The following CTPS2 variants were observed in gnomAD, a reference collection of about 807,000 sequenced individuals.
CTPS2 encodes the protein CTP synthase 2, also known as CTP synthase II.
In CTPS2, 19 loss-of-function variants were observed where a neutral mutation model predicts 46.8. The observed-to-expected ratio is 0.41, with a 90% confidence interval of 0.28 to 0.60. The LOEUF (loss-of-function observed/expected upper bound fraction) is 0.60, where lower values mean the gene tolerates loss of function less well. Ranked by LOEUF, CTPS2 falls within the 20% of genes least tolerant of loss-of-function variation. The pLI is 0.35. For synonymous variants in CTPS2, 151 were observed against 165.2 expected (o/e 0.91, Z 0.66); for missense variants, 286 against 447.6 (o/e 0.64, Z 3.26).
At chrX:16,674,634 C>T (rs374984831) in intron 10 of CTPS2, among the ~76,000 whole-genome samples, 164 of 104,697 alleles carry the variant, frequency 1.6e-3, no homozygotes, top group South Asian at 5.0e-3. Context: ...GTCAGGAGAT[C>T]GAGACCATCC....
intron 8 of CTPS2, among the ~76,000 whole-genome samples, chrX:16,685,337 A>C (rs1923089995): frequency 9.0e-6 from 1 of 111,423 alleles, no homozygotes; most frequent in African/African-American, 3.3e-5. Flanking sequence ...GGGAGGAGTC[A>C]CTGGGCAGCA....
At chrX:16,638,460 CTATTA>C (rs1931876065) in intron 14 of CTPS2, 1 of 122,384 alleles carries the variant, frequency 8.2e-6, no homozygotes, top group African/African-American at 3.3e-5. Flanking sequence ...GTCCTGGTCA[CTATTA>C]TATCTGCACA....
At chrX:16,702,023 T>G (rs772271473) in intron 2 of CTPS2, among the ~76,000 whole-genome samples, 112 of 111,059 alleles carry the variant, frequency 1.0e-3, no homozygotes, top group African/African-American at 2.8e-3. Context: ...AAGGTTTTTT[T>G]GGGGGTTGGT....
chrX:16,686,211 A>G (rs1427890289), intron 8 of CTPS2, among the ~76,000 whole-genome samples: 1 of 112,316 alleles, frequency 8.9e-6, no homozygotes, highest in Non-Finnish European at 1.9e-5. Flanking sequence ...TGCATTCTTA[A>G]ATAAATAAAA....
In CTPS2 at chrX:16,689,436, T is replaced by C. The variant is rs1246160119; in HGVS notation, c.872+14A>G. Reference sequence around the variant, plus strand: ...AAATTATTAAAGATTATACAAGTAATTCCTTTCGCTTACCTGTCAGCCATA... The same window carrying C: ...AAATTATTAAAGATTATACAAGTAACTCCTTTCGCTTACCTGTCAGCCATA... On this transcript the variant is annotated intron_variant, in intron 8 of 18. Coordinates refer to ENST00000359276, the MANE Select transcript of CTPS2 (RefSeq NM_175859.3). The C allele has an allele frequency of 3.3e-6, 4 of 1,203,608 alleles. No individual in the cohort carries two copies. The Admixed American group carries it at 8.9e-5, about 27-fold the overall frequency.
chrX:16,677,236 G>A (rs945771323), intron 10 of CTPS2, among the ~76,000 whole-genome samples: 3 of 111,420 alleles, frequency 2.7e-5, no homozygotes, highest in Admixed American at 9.7e-5. Flanking sequence ...TTGCTTTACT[G>A]TTGTGGAATA....
chrX:16,665,944 G>T (rs1472909655), intron 13 of CTPS2, among the ~76,000 whole-genome samples: 1 of 111,497 alleles, frequency 9.0e-6, no homozygotes, highest in Non-Finnish European at 1.9e-5. Flanking sequence ...TAGAGATGGG[G>T]TTTCAACTTG....
At chrX:16,668,554 C>A (rs1382819961) in intron 11 of CTPS2, among the ~76,000 whole-genome samples, 1 of 105,055 alleles carries the variant, frequency 9.5e-6, no homozygotes, top group African/African-American at 3.5e-5. Flanking sequence ...CACTGCACTC[C>A]AGCCTGGGCG....
chrX:16,659,799 C>T (rs1278290333), intron 13 of CTPS2, among the ~76,000 whole-genome samples: 3 of 111,082 alleles, frequency 2.7e-5, no homozygotes, highest in South Asian at 3.8e-4. Context: ...TTCAGCCTCC[C>T]GAAGTGCTGG....
intron 14 of CTPS2, among the ~76,000 whole-genome samples, chrX:16,623,771 C>G (rs754862139): frequency 1.9e-5 from 2 of 103,114 alleles, no homozygotes; most frequent in Non-Finnish European, 3.9e-5. Flanking sequence ...GGGTATATAC[C>G]CAGCAGTCAT....
At chrX:16,693,059 A>AT in intron 6 of CTPS2, 82 bp downstream of exon 6, 1 of 705,090 alleles carries the variant, frequency 1.4e-6, no homozygotes, top group South Asian at 2.4e-5. Context: ...TCCGTCTCAA[A>AT]TTAAAAAAAA....
intron 10 of CTPS2, among the ~76,000 whole-genome samples, chrX:16,674,453 G>T (rs180742468): frequency 9.0e-6 from 1 of 111,006 alleles, no homozygotes; most frequent in Non-Finnish European, 1.9e-5. Flanking sequence ...GTAAGCCACC[G>T]CATCCAGCTA....
intron 13 of CTPS2, among the ~76,000 whole-genome samples, chrX:16,663,645 C>T (rs67736803): frequency 0.17 from 18,607 of 109,710 alleles, 1,437 homozygotes; most frequent in African/African-American, 0.28. Context: ...GCTATGATCA[C>T]ACCTGTGAAT....
intron 18 of CTPS2, among the ~76,000 whole-genome samples, 193 bp from the exon 19 acceptor site, chrX:16,589,968 C>G (rs1447515018): frequency 5.4e-5 from 6 of 112,030 alleles, no homozygotes; most frequent in Non-Finnish European, 7.5e-5. Flanking sequence ...GCAATGAACA[C>G]TTTACAAGTC....
At chrX:16,643,780 C>T (rs376470556) in intron 13 of CTPS2, among the ~76,000 whole-genome samples, 2 of 110,783 alleles carry the variant, frequency 1.8e-5, no homozygotes, top group South Asian at 3.9e-4. Context: ...CTCATGTATT[C>T]GAACCTGTAG....
intron 1 of CTPS2, 137 bp from the exon 2 acceptor site, chrX:16,703,078 G>C (rs1569239129): frequency 2.4e-6 from 1 of 416,046 alleles, no homozygotes; most frequent in African/African-American, 2.7e-5. Flanking sequence ...CTGGAATGCA[G>C]TGAGTGGTGC....
chrX:16,618,355 TTTGA>T (rs1930642895), intron 15 of CTPS2, among the ~76,000 whole-genome samples: 10 of 112,367 alleles, frequency 8.9e-5, no homozygotes, highest in South Asian at 7.4e-4. Context: ...TTGGTAGACA[TTTGA>T]GTTGTTTCTG....
Position 16,703,744 on chromosome X carries a change from G to A in CTPS2, c.-39-803C>T, listed in dbSNP as rs141722343. Among the ~76,000 whole-genome samples the A allele has an allele frequency of 5.4e-3, 598 of 111,555 alleles. 5 individuals are homozygous for A. Among genetic ancestry groups the A allele is most frequent in the African/African-American group, 0.018 (564 of 30,797 alleles). ...TATTGTTGTCACTATACAGAAAGCT[G>A]TAGATACCTTCTGCAAGCAAAGTGC... is the stretch of plus-strand genomic sequence containing the variant. On this transcript the variant is annotated intron_variant, in intron 1 of 18. Coordinates refer to ENST00000359276, the MANE Select transcript of CTPS2 (RefSeq NM_175859.3).
At chrX:16,595,725 G>C (rs1432734553) in intron 17 of CTPS2, among the ~76,000 whole-genome samples, 1 of 112,291 alleles carries the variant, frequency 8.9e-6, no homozygotes, top group Non-Finnish European at 1.9e-5. Context: ...TGTGCGCCTA[G>C]TGCCTACCAT....
Sources: gnomAD v4.1 joint callset for allele counts (sites outside exome capture counted in the v4.1 genomes callset) on GRCh38, gnomAD v4.1.1 for gene constraint, MANE v1.5 for transcripts, NCBI Gene and HGNC (gene_info 2026-07-23, HGNC 2026-07-21) for gene names.